The following ZNF682 variants were observed in gnomAD, a reference collection of about 807,000 sequenced individuals.
ZNF682 encodes zinc finger protein 682.
ZNF682 carries 29 observed loss-of-function variants against 36.5 expected under a neutral mutation model. The observed-to-expected ratio is 0.80, with a 90% CI of 0.59 to 1.08. The LOEUF is 1.08. Among genes scored for constraint, ZNF682 ranks in the 50% least tolerant of loss-of-function variants. The pLI, the probability that ZNF682 is intolerant of heterozygous loss-of-function variation, is 0.00. For synonymous variants in ZNF682, 180 were observed against 197.0 expected (o/e 0.91, Z 0.72); for missense variants, 561 against 579.7 (o/e 0.97, Z 0.33).
At chr19:20,011,490 T>C (rs1408272801) in intron 3 of ZNF682, among the ~76,000 whole-genome samples, 1 of 152,210 alleles carries the variant, frequency 6.6e-6, no homozygotes, top group Non-Finnish European at 1.5e-5. Flanking sequence ...ATTCATCTAA[T>C]GAAGACACAC....
intron 3 of ZNF682, among the ~76,000 whole-genome samples, chr19:20,014,739 C>A (rs1306832615): frequency 7.4e-5 from 11 of 148,804 alleles, no homozygotes; most frequent in Non-Finnish European, 1.6e-4. Flanking sequence ...GAGATTGCGC[C>A]ACTGCATTCC....
At chr19:20,023,458 T>C (rs940053293) in intron 2 of ZNF682, among the ~76,000 whole-genome samples, 9 of 151,608 alleles carry the variant, frequency 5.9e-5, no homozygotes, top group Non-Finnish European at 1.2e-4. Flanking sequence ...ATTGCGCCAC[T>C]GCACACTCCA....
chr19:20,011,003 A>G (rs2088282062), intron 3 of ZNF682, among the ~76,000 whole-genome samples: 1 of 152,052 alleles, frequency 6.6e-6, no homozygotes, highest in Admixed American at 6.5e-5. Context: ...AAAAAGACAC[A>G]AAGTGGCAAA....
chr19:20,032,415 A>G (rs548057972), intron 1 of ZNF682, among the ~76,000 whole-genome samples: 7 of 152,274 alleles, frequency 4.6e-5, no homozygotes, highest in African/African-American at 1.4e-4. Context: ...CTGTAAGGTT[A>G]TTTTTGTAGA....
At chr19:20,013,531 T>C (rs1027008526) in intron 3 of ZNF682, among the ~76,000 whole-genome samples, 4 of 152,100 alleles carry the variant, frequency 2.6e-5, no homozygotes, top group African/African-American at 9.7e-5. Flanking sequence ...TCATAACACA[T>C]TCTCTTGGAT....
intron 3 of ZNF682, among the ~76,000 whole-genome samples, chr19:20,008,844 T>G (rs1421290588): frequency 1.3e-5 from 2 of 152,060 alleles, no homozygotes; most frequent in African/African-American, 4.8e-5. Flanking sequence ...AAGCCTGAAT[T>G]ACACCACCAA....
At position 20,024,302 on chromosome 19, in the gene ZNF682, C is replaced by T. The variant is rs2088412571; in HGVS notation, c.78G>A (p.Gln26=). Residue 26 remains glutamine, a synonymous_variant, in exon 2 of 4, where the codon CAG becomes CAA. Coordinates refer to ENST00000397165, the MANE Select transcript of ZNF682 (RefSeq NM_033196.3). Reference sequence around the variant, plus strand: ...CTAGCATCACTTTCCTATACAAACTCTGCTGAGCAGGGTTCAGAAACTCCC... The same window carrying T: ...CTAGCATCACTTTCCTATACAAACTTTGCTGAGCAGGGTTCAGAAACTCCC... ...EEWEFLNPAQ[Q]SLYRKVMLEN... is the part of the protein sequence containing the mutation. The T allele has an allele frequency of 3.7e-6, 6 of 1,614,116 alleles. No individual in the cohort carries two copies. The South Asian group carries it at 5.5e-5, about 15-fold the overall frequency.
In ZNF682 at chr19:20,006,077, T is replaced by C. The variant is rs1327630019; in HGVS notation, c.1425A>G (p.Gln475=). ...CSHLNEHKRV[Q]RGEKSCKYKK... is the part of the protein sequence containing the mutation. ...TATACTTGCAGGATTTCTCTCCTCT[T>C]TGAACTCTCTTATGTTCATTAAGAT... The change falls in exon 4 of 4, where the codon CAA becomes CAG. Residue 475 remains glutamine, a synonymous_variant. Coordinates refer to ENST00000397165, the MANE Select transcript of ZNF682 (RefSeq NM_033196.3). 2 of 1,612,952 alleles carry C rather than the reference T, an allele frequency of 1.2e-6. No homozygotes were observed. The highest frequency in any genetic ancestry group is 1.7e-6 in the Non-Finnish European group (2 of 1,179,180).
At chr19:20,015,804 C>T (rs2088329618) in intron 3 of ZNF682, 1 of 397,998 alleles carries the variant, frequency 2.5e-6, no homozygotes, top group South Asian at 1.3e-4. Context: ...TAATATGTTG[C>T]TCTTCTTTTT....
chr19:20,029,564 G>A (rs1271933671), intron 1 of ZNF682, among the ~76,000 whole-genome samples: 1 of 146,958 alleles, frequency 6.8e-6, no homozygotes, highest in Non-Finnish European at 1.5e-5. Context: ...TCATACCACT[G>A]CACTCCAGCC....
chr19:20,021,812 T>G (rs952832977), intron 3 of ZNF682, among the ~76,000 whole-genome samples: 11 of 152,102 alleles, frequency 7.2e-5, no homozygotes, highest in Non-Finnish European at 1.3e-4. Flanking sequence ...TTTCTTATAT[T>G]TAGGGAGATG....
chr19:20,038,272 T>C (rs918521259), intron 1 of ZNF682, among the ~76,000 whole-genome samples: 18 of 151,976 alleles, frequency 1.2e-4, no homozygotes, highest in African/African-American at 4.3e-4. Context: ...TCCTGTAAAA[T>C]GTTTGCAAAT....
rs1252571628 is a variant in ZNF682, at chr19:20,006,334, T to C, written c.1168A>G (p.Ile390Val). Reference protein sequence around the residue: ...RFSYLTKHKRIHTGEKPYKCE... With the variant: ...RFSYLTKHKRVHTGEKPYKCE... Reference sequence around the variant, plus strand: ...TTGTAGGGTTTCTCTCCAGTGTGAATTCTCTTGTGTTTAGTAAGGTATGAG... The same window carrying C: ...TTGTAGGGTTTCTCTCCAGTGTGAACTCTCTTGTGTTTAGTAAGGTATGAG... The change falls in exon 4 of 4, where the codon ATT becomes GTT. Residue 390 changes from isoleucine to valine, a missense_variant. Coordinates refer to ENST00000397165, the MANE Select transcript of ZNF682 (RefSeq NM_033196.3). 6.2e-6 allele frequency: 10 copies of C among 1,613,590 alleles called. No individual in the cohort carries two copies. The highest frequency in any genetic ancestry group is 8.5e-6 in the Non-Finnish European group (10 of 1,180,010).
At chr19:20,032,213 G>T (rs10409629) in intron 1 of ZNF682, among the ~76,000 whole-genome samples, 119,408 of 152,148 alleles carry the variant, frequency 0.78, 47,004 homozygotes, top group Middle Eastern at 0.87. Flanking sequence ...GATTTAGGTT[G>T]CAGAGGTATG....
chr19:20,019,464 T>A (rs1487991765), intron 3 of ZNF682, among the ~76,000 whole-genome samples: 1 of 151,982 alleles, frequency 6.6e-6, no homozygotes, highest in East Asian at 1.9e-4. Flanking sequence ...CAAAAGCAAA[T>A]ATAAATAAGT....
rs1157538062 is a variant in ZNF682, at chr19:20,005,474, ACT to A, written c.*529_*530del. ...TCTAAAATGGAATAAAATTTGAGCA[ACT>A]GTTAGAGGGTTACCTTTCAGTATAA... On this transcript the variant is annotated 3_prime_UTR_variant, in exon 4 of 4. Transcript: ENST00000397165. The A allele has an allele frequency of 6.6e-6, 1 of 152,376 alleles. No homozygotes were observed. The highest frequency in any genetic ancestry group is 2.4e-5 in the African/African-American group (1 of 41,442). The allele number at this position is 152,376 out of a possible 1,614,324, so 9.4% of individuals were successfully genotyped here. A position where few individuals can be genotyped will look rare whatever the true frequency, so the allele number is the denominator to read the frequency against.
chr19:20,021,928 T>C (rs1230675253), intron 3 of ZNF682, among the ~76,000 whole-genome samples: 1 of 152,090 alleles, frequency 6.6e-6, no homozygotes, highest in East Asian at 1.9e-4. Flanking sequence ...CCCAGCACTT[T>C]GGGAGACCGA....
At chr19:20,033,142 C>T (rs1042845905) in intron 1 of ZNF682, among the ~76,000 whole-genome samples, 2 of 152,092 alleles carry the variant, frequency 1.3e-5, no homozygotes, top group Non-Finnish European at 2.9e-5. Flanking sequence ...TGGTGGGCAC[C>T]TGTAATCTCA....
At chr19:20,019,658 A>G (rs2088367023) in intron 3 of ZNF682, among the ~76,000 whole-genome samples, 1 of 152,176 alleles carries the variant, frequency 6.6e-6, no homozygotes, top group Admixed American at 6.5e-5. Context: ...ACAAAACTGA[A>G]AAACAGACTG....
Sources: allele counts gnomAD v4.1 joint callset (sites outside exome capture counted in the v4.1 genomes callset), GRCh38; gene constraint gnomAD v4.1.1; transcripts MANE v1.5; gene names NCBI Gene and HGNC (gene_info 2026-07-23, HGNC 2026-07-21).